DPH7: variants seen among roughly 807,000 people sequenced by gnomAD.
DPH7 encodes the protein diphthine methyltransferase.
In DPH7, 44 loss-of-function variants were observed where a neutral mutation model predicts 41.7. The ratio of observed to expected loss-of-function variants is 1.05; its 90% CI spans 0.83 to 1.36. The LOEUF (loss-of-function observed/expected upper bound fraction) is 1.36, where lower values mean the gene tolerates loss of function less well. Among genes scored for constraint, DPH7 ranks in the 40% most tolerant of loss-of-function variants. The pLI is 0.00. For synonymous variants in DPH7, 275 were observed against 238.0 expected, an observed-to-expected ratio of 1.16 and a Z score of -1.43; for missense variants, 629 against 577.5, an observed-to-expected ratio of 1.09 and a Z score of -0.91.
intron 5 of DPH7, among the ~76,000 whole-genome samples, chr9:137,569,573 C>A (rs374347937): frequency 4.0e-5 from 5 of 123,678 alleles, no homozygotes; most frequent in African/African-American, 1.6e-4. Flanking sequence ...CCCAAAAATC[C>A]ATCCATCCAC....
At chr9:137,571,084 G>A (rs1394076318) in intron 5 of DPH7, among the ~76,000 whole-genome samples, 3 of 152,084 alleles carry the variant, frequency 2.0e-5, no homozygotes, top group Non-Finnish European at 4.4e-5. Context: ...CTTGACCCTG[G>A]GAGGTTAAGG....
chr9:137,574,565 G>A (rs776015489), intron 4 of DPH7, 185 bp from the exon 5 acceptor site: 6 of 831,978 alleles, frequency 7.2e-6, no homozygotes, highest in South Asian at 3.4e-5. Context: ...GACTTCTCTA[G>A]GTAAAAACAC....
chr9:137,576,960 C>G (rs1841516857), intron 2 of DPH7, among the ~76,000 whole-genome samples: 1 of 150,280 alleles, frequency 6.7e-6, no homozygotes, highest in Non-Finnish European at 1.5e-5. Flanking sequence ...GAGGCTGAGA[C>G]AGAGAATTGC....
rs192424750 is a variant in DPH7, at chr9:137,570,201, A to G, written c.640+4007T>C. Among the ~76,000 whole-genome samples, 4 of 151,250 alleles carry G rather than the reference A, an allele frequency of 2.6e-5. No homozygotes were observed. In the Admixed American group the frequency reaches 2.7e-4, roughly 10 times the overall value. On this transcript the variant is annotated intron_variant, in intron 5 of 8. Coordinates refer to ENST00000277540, the MANE Select transcript of DPH7 (RefSeq NM_138778.5). ...ACTATGGACCCTCATAATAGACACT[A>G]CGGATACACAGTGAACATGACCTAC...
chr9:137,556,521 C>T lies in DPH7; in HGVS notation c.950-873G>A, dbSNP rs1202439012. 7.1e-6 allele frequency: 2 copies of T among 280,614 alleles called. No homozygotes were observed. The highest frequency in any genetic ancestry group is 1.4e-5 in the Non-Finnish European group (2 of 141,084). 17.4% of individuals were successfully genotyped at this position (280,614 alleles called of 1,614,324 possible). A position where few individuals can be genotyped will look rare whatever the true frequency, so the allele number is the denominator to read the frequency against. On this transcript the variant is annotated intron_variant, in intron 8 of 8. Transcript: ENST00000277540. The surrounding 1 kb of genome is among the most constrained non-coding windows in gnomAD (Gnocchi z 5.2). ...GGGCTGAGGGCAGAACAGGACCGCA[C>T]TGGATTACAAAACGTGCCGAGGTTG...
chr9:137,574,579 C>T (rs1841054896), intron 4 of DPH7, 173 bp downstream of exon 4: 6 of 829,048 alleles, frequency 7.2e-6, no homozygotes, highest in African/African-American at 3.4e-5. Context: ...AAAACACTAT[C>T]GCTATGTATC....
At chr9:137,557,580 A>G (rs1837739099) in intron 8 of DPH7, among the ~76,000 whole-genome samples, 1 of 151,862 alleles carries the variant, frequency 6.6e-6, no homozygotes, top group African/African-American at 2.4e-5. Flanking sequence ...GCACTTTGGG[A>G]GGCCGAGGCA....
At position 137,576,084 on chromosome 9, in the gene DPH7, G is replaced by A. The variant is rs1280987959; in HGVS notation, c.371C>T (p.Ser124Phe). 4 of 1,613,932 alleles carry A rather than the reference G, an allele frequency of 2.5e-6. 1 individual carries two copies. The South Asian group carries it at 4.4e-5, about 18-fold the overall frequency. The change falls in exon 3 of 9, where the codon TCT (serine) becomes TTT (phenylalanine). Residue 124 changes from serine (S) to phenylalanine (F), a missense_variant. Physicochemically the swap from Ser to Phe is radical, Grantham distance 155. Coordinates refer to ENST00000277540, the MANE Select transcript of DPH7 (RefSeq NM_138778.5). ...GSIQLLRLVE[S>F]EKSHVLEPLS... ...GAACAAGTGCAAGTCACTGACCTCA[G>A]ATTCCACCAGGCGGAGCAGTTGTAT...
At position 137,565,120 on chromosome 9, in the gene DPH7, G is replaced by C; in HGVS notation, c.675C>G (p.Thr225=). ...GDDGLLRGWD[T]RVPGKFLFTS... ...TGAAGAGAAATTTGCCGGGTACCCT[G>C]GTGTCCCAGCCCCTCAGAAGGCCAT... Residue 225 remains threonine (T), a synonymous_variant, in exon 6 of 9, where the codon ACC becomes ACG. Transcript: ENST00000277540. The C allele has an allele frequency of 6.2e-7, 1 of 1,614,028 alleles. No homozygotes were observed. Among genetic ancestry groups the C allele is most frequent in the South Asian group, 1.1e-5 (1 of 91,086 alleles).
chr9:137,571,563 A>G (rs1315839019), intron 5 of DPH7, among the ~76,000 whole-genome samples: 1 of 152,108 alleles, frequency 6.6e-6, no homozygotes, highest in Non-Finnish European at 1.5e-5. Context: ...TGAGGCAGGT[A>G]GATCGCTTGA....
rs376850660 is a variant in DPH7 at position 137,570,290 on chromosome 9, G to A, written c.640+3918C>T. On this transcript the variant is annotated intron_variant, in intron 5 of 8. Coordinates refer to ENST00000277540, the MANE Select transcript of DPH7 (RefSeq NM_138778.5). ...AAGCCTGCAGATGAGCCTCAAGTAT[G>A]AGCTGCCATTCTGTGGCAAATTTGT... Among the ~76,000 whole-genome samples the A allele has an allele frequency of 1.5e-3, 229 of 152,342 alleles. 1 individual carries two copies. The highest frequency in any genetic ancestry group is 2.7e-3 in the Non-Finnish European group (182 of 68,040).
intron 8 of DPH7, among the ~76,000 whole-genome samples, chr9:137,561,884 A>T (rs921469709): frequency 2.2e-4 from 34 of 152,224 alleles, no homozygotes; most frequent in Middle Eastern, 3.4e-3. Context: ...TATTTTTTTG[A>T]GATGGAGTCT....
chr9:137,554,860 G>C lies in DPH7; in HGVS notation c.*379C>G, dbSNP rs543440175. 65 of 174,550 alleles carry C rather than the reference G, an allele frequency of 3.7e-4. No individual in the cohort carries two copies. The highest frequency in any genetic ancestry group is 2.9e-4 in the Non-Finnish European group (24 of 83,402). The allele number at this position is 174,550 out of a possible 1,614,324, so 10.8% of individuals were successfully genotyped here. ...TCTATACAAGCATTTCTGGTGCCAT[G>C]ATGAGGCATAAAATGTTCATTTTAA... is the stretch of plus-strand genomic sequence containing the variant. On this transcript the variant is annotated 3_prime_UTR_variant, in exon 9 of 9. Transcript: ENST00000277540.
intron 5 of DPH7, among the ~76,000 whole-genome samples, chr9:137,568,735 C>T (rs902662708): frequency 2.0e-5 from 3 of 152,096 alleles, no homozygotes; most frequent in African/African-American, 4.8e-5. Context: ...CGGACGGGAA[C>T]AGAAAGAAGC....
At chr9:137,571,510 C>T (rs1840429833) in intron 5 of DPH7, among the ~76,000 whole-genome samples, 2 of 152,038 alleles carry the variant, frequency 1.3e-5, no homozygotes, top group Admixed American at 1.3e-4. Context: ...TTTAAGAAGG[C>T]TGAGTGCAGT....
intron 8 of DPH7, among the ~76,000 whole-genome samples, chr9:137,563,213 G>A (rs896072803): frequency 6.6e-6 from 1 of 152,014 alleles, no homozygotes; most frequent in African/African-American, 2.4e-5. Flanking sequence ...ATACAGAAGA[G>A]ATGGAGAAAC....
intron 8 of DPH7, among the ~76,000 whole-genome samples, chr9:137,562,196 G>A (rs1309986086): frequency 6.6e-6 from 1 of 152,106 alleles, no homozygotes; most frequent in Non-Finnish European, 1.5e-5. Context: ...CCAGACAGGA[G>A]ATTCAGTAAG....
At chr9:137,577,922 G>A (rs1432416008) in intron 1 of DPH7, 2 of 973,954 alleles carry the variant, frequency 2.1e-6, no homozygotes, top group South Asian at 4.7e-5. Context: ...ATCCTAATAT[G>A]TACCCACCAG....
Position 137,559,697 on chromosome 9 carries a change from C to G in DPH7, c.950-4049G>C, listed in dbSNP as rs866738558. Among the ~76,000 whole-genome samples, 19 of 152,340 alleles carry G rather than the reference C, an allele frequency of 1.2e-4. No homozygotes were observed. In the Middle Eastern group the frequency reaches 0.01, roughly 82 times the overall value. On this transcript the variant is annotated intron_variant, in intron 8 of 8. Transcript: ENST00000277540. ...CTCTCTCTCCTCTCCCTCTCTGCCT[C>G]GGCTGCCAAGCAGGGAAGGGCCCCC...
Sources: gnomAD v4.1 joint callset for allele counts (sites outside exome capture counted in the v4.1 genomes callset) on GRCh38, gnomAD v4.1.1 for gene constraint, Gnocchi (gnomAD v3.1) non-coding constraint, MANE v1.5 for transcripts, NCBI Gene and HGNC (gene_info 2026-07-23, HGNC 2026-07-21) for gene names.